The following RXRA variants were observed in gnomAD, a reference collection of about 807,000 sequenced individuals.
The protein encoded by RXRA is retinoid X receptor alpha, also known as retinoic acid receptor RXR-alpha.
Under a neutral mutation model 44.5 loss-of-function variants are expected in RXRA, and 5 were observed. The ratio of observed to expected loss-of-function variants is 0.11; its 90% CI spans 0.06 to 0.24. The LOEUF is 0.24. Ranked by LOEUF, RXRA falls within the 10% of genes least tolerant of loss-of-function variation. RXRA has a pLI of 1.00. For synonymous variants in RXRA, 291 were observed against 271.4 expected (o/e 1.07, Z -0.71); for missense variants, 412 against 646.5 (o/e 0.64, Z 3.93).
chr9:134,395,005 C>T lies in RXRA; in HGVS notation c.29-6627C>T, dbSNP rs578061840. On this transcript the variant is annotated intron_variant, in intron 1 of 9. Transcript: ENST00000481739. ...AGAGTCCTTGAGGGTCTCTTGGTCACGTGGAACCTGGGGGACCAAACTCAC... is the reference window on the plus strand; with the variant it reads ...AGAGTCCTTGAGGGTCTCTTGGTCATGTGGAACCTGGGGGACCAAACTCAC... 2.6e-5 allele frequency among the ~76,000 whole-genome samples: 4 copies of T among 152,314 alleles called. No homozygotes were observed. The East Asian group carries it at 5.8e-4, about 22-fold the overall frequency.
At chr9:134,331,002 C>G (rs1346564041) in intron 1 of RXRA, among the ~76,000 whole-genome samples, 1 of 152,206 alleles carries the variant, frequency 6.6e-6, no homozygotes, top group Admixed American at 6.5e-5. Flanking sequence ...TGGACCAGAA[C>G]AGGCCATGAT....
intron 1 of RXRA, 135 bp from the exon 2 acceptor site, chr9:134,401,497 G>C: frequency 7.1e-7 from 1 of 1,411,882 alleles, no homozygotes; most frequent in Non-Finnish European, 9.7e-7. Flanking sequence ...GAGAGCTGTC[G>C]AGACCCACGG....
In RXRA at chr9:134,438,042, CTT is replaced by C. The variant is rs1831657284; in HGVS notation, c.*1431_*1432del. On this transcript the variant is annotated 3_prime_UTR_variant, in exon 10 of 10. Transcript: ENST00000481739. ...GGGCCCTCTCAGGTTGAACTCGCCT[CTT>C]TTGCACTGGAAGGCCCTCCCTTTGG... The C allele has an allele frequency of 6.5e-6, 1 of 152,698 alleles. No individual in the cohort carries two copies. The highest frequency in any genetic ancestry group is 2.4e-5 in the African/African-American group (1 of 41,466). The allele number at this position is 152,698 out of a possible 1,614,324, so 9.5% of individuals were successfully genotyped here.
At chr9:134,347,073 C>T (rs1009848410) in intron 1 of RXRA, among the ~76,000 whole-genome samples, 19 of 141,432 alleles carry the variant, frequency 1.3e-4, no homozygotes, top group Admixed American at 2.8e-4. Flanking sequence ...AGGTGACAGG[C>T]GGGTGGGAGT....
intron 1 of RXRA, among the ~76,000 whole-genome samples, chr9:134,334,954 G>T (rs1041815476): frequency 6.6e-6 from 1 of 152,180 alleles, no homozygotes; most frequent in South Asian, 2.1e-4. Context: ...GTGGCCTGGG[G>T]GCATGGCAGA....
At chr9:134,361,952 G>T (rs779245632) in intron 1 of RXRA, among the ~76,000 whole-genome samples, 1 of 152,194 alleles carries the variant, frequency 6.6e-6, no homozygotes. Flanking sequence ...CTCCGGCTGC[G>T]CTGGGTTTCT....
intron 6 of RXRA, chr9:134,422,198 A>G (rs753460595): frequency 8.4e-7 from 1 of 1,192,250 alleles, no homozygotes. Flanking sequence ...TTCCCCCTCC[A>G]GGGACACACT....
At chr9:134,387,431 G>C (rs553974012) in intron 1 of RXRA, among the ~76,000 whole-genome samples, 15 of 152,370 alleles carry the variant, frequency 9.8e-5, no homozygotes, top group African/African-American at 3.6e-4. Context: ...AAACCAGATC[G>C]GTCTGGCCAG....
chr9:134,435,887 A>G (rs1379184151), intron 9 of RXRA, among the ~76,000 whole-genome samples: 1 of 152,106 alleles, frequency 6.6e-6, no homozygotes, highest in Non-Finnish European at 1.5e-5. Flanking sequence ...ATTTTTTGAG[A>G]GACAGTCTGG....
chr9:134,428,005 T>G (rs375488924), intron 6 of RXRA, among the ~76,000 whole-genome samples: 2 of 152,312 alleles, frequency 1.3e-5, no homozygotes, highest in East Asian at 1.9e-4. Flanking sequence ...GGTCCCTGAC[T>G]GTGTGACTGC....
At chr9:134,355,855 T>C (rs933629965) in intron 1 of RXRA, among the ~76,000 whole-genome samples, 1 of 152,098 alleles carries the variant, frequency 6.6e-6, no homozygotes. Flanking sequence ...AGTCTGCATT[T>C]TTCGGAAAGC....
chr9:134,407,243 G>C lies in RXRA; in HGVS notation c.280-906G>C, dbSNP rs772178522. Among the ~76,000 whole-genome samples, 2 of 152,376 alleles carry C rather than the reference G, an allele frequency of 1.3e-5. No homozygotes were observed. Among genetic ancestry groups the C allele is most frequent in the East Asian group, 3.9e-4 (2 of 5,190 alleles). ...AACTCTTCCTGTCCCGTGAGAAGGG[G>C]GGATGGGATTTGGAGGCCTGAGGAA... On this transcript the variant is annotated intron_variant, in intron 2 of 9. Transcript: ENST00000481739. The surrounding 1 kb of genome is among the most constrained non-coding windows in gnomAD (Gnocchi z 4.8).
Position 134,431,944 on chromosome 9 carries a change from G to A in RXRA, c.1083G>A (p.Gln361=), listed in dbSNP as rs1482474200. The change falls in exon 8 of 10, where the codon CAG becomes CAA. Residue 361 remains glutamine (Q), a synonymous_variant. Coordinates refer to ENST00000481739, the MANE Select transcript of RXRA (RefSeq NM_002957.6). ...TTGTGTCCAAGATGCGGGACATGCA[G>A]ATGGACAAGACGGAGCTGGGCTGCC... is the stretch of plus-strand genomic sequence containing the variant. The part of the protein sequence containing the change: ...TELVSKMRDM[Q]MDKTELGCLR... 3 of 1,613,996 alleles carry A rather than the reference G, an allele frequency of 1.9e-6. No homozygotes were observed. The highest frequency in any genetic ancestry group is 8.5e-7 in the Non-Finnish European group (1 of 1,179,930).
intron 1 of RXRA, among the ~76,000 whole-genome samples, chr9:134,331,214 G>A (rs1267275667): frequency 1.3e-5 from 2 of 152,202 alleles, no homozygotes; most frequent in African/African-American, 2.4e-5. Flanking sequence ...ACCGCGGTTT[G>A]CACACCCACC....
intron 1 of RXRA, among the ~76,000 whole-genome samples, chr9:134,383,125 C>T (rs1830670476): frequency 6.6e-6 from 1 of 152,178 alleles, no homozygotes; most frequent in Admixed American, 6.5e-5. Context: ...CCATGTCCTG[C>T]CAGAGGCTTC....
chr9:134,439,364 C>T lies in RXRA; in HGVS notation c.*2750C>T, dbSNP rs571978262. On this transcript the variant is annotated 3_prime_UTR_variant, in exon 10 of 10. Transcript: ENST00000481739. The stretch of plus-strand genomic sequence containing the variant: ...CGGCTTTGCCGTTCAGATGGGGCTC[C>T]TGAGGCTCAGGAGTGAAGATGCCAC... 69 of 152,342 alleles carry T rather than the reference C, an allele frequency of 4.5e-4. No individual in the cohort carries two copies. Among genetic ancestry groups the T allele is most frequent in the African/African-American group, 1.6e-3 (67 of 41,574 alleles). 9.4% of individuals were successfully genotyped at this position (152,342 alleles called of 1,614,324 possible). A position where few individuals can be genotyped will look rare whatever the true frequency, so the allele number is the denominator to read the frequency against.
intron 2 of RXRA, chr9:134,404,707 T>A (rs1411928183): frequency 3.3e-5 from 5 of 152,754 alleles, no homozygotes; most frequent in Admixed American, 3.3e-4. Flanking sequence ...CGCCAGGGAC[T>A]GAGGTCGGAG....
At chr9:134,368,912 T>G (rs1830450328) in intron 1 of RXRA, among the ~76,000 whole-genome samples, 2 of 100,284 alleles carry the variant, frequency 2.0e-5, no homozygotes, top group African/African-American at 4.0e-5. Flanking sequence ...GTGTGGGGGT[T>G]GTGTGTGTGT....
chr9:134,415,049 T>G (rs1288117674), intron 4 of RXRA, among the ~76,000 whole-genome samples: 2 of 152,208 alleles, frequency 1.3e-5, no homozygotes, highest in African/African-American at 4.8e-5. Context: ...ACCATCAGGT[T>G]TCCAGTAGGG....
Sources: gnomAD v4.1 joint callset for allele counts (sites outside exome capture counted in the v4.1 genomes callset) on GRCh38, gnomAD v4.1.1 for gene constraint, Gnocchi (gnomAD v3.1) non-coding constraint, MANE v1.5 for transcripts, NCBI Gene and HGNC (gene_info 2026-07-23, HGNC 2026-07-21) for gene names.